POU2F1: variants seen among roughly 807,000 people sequenced by gnomAD.
The protein encoded by POU2F1 is POU class 2 homeobox 1, also known as POU domain, class 2, transcription factor 1.
A neutral mutation model predicts 84.9 loss-of-function variants in POU2F1; 16 were observed. That is an observed-to-expected ratio of 0.19 (90% CI 0.13 to 0.29). POU2F1 has a LOEUF of 0.29. POU2F1 is among the 10% of genes least tolerant of loss of function. POU2F1 has a pLI of 1.00. For missense variants in POU2F1, 738 were observed against 942.6 expected, an observed-to-expected ratio of 0.78 and a Z score of 2.84; for synonymous variants, 368 against 368.3, an observed-to-expected ratio of 1.00 and a Z score of 0.01.
chr1:167,403,535 G>GT (rs1013400202), intron 13 of POU2F1, among the ~76,000 whole-genome samples: 10 of 152,272 alleles, frequency 6.6e-5, no homozygotes, highest in Admixed American at 5.9e-4. Context: ...TCTTTGGACT[G>GT]TAACTTTCTT....
At chr1:167,308,292 C>T (rs931793643) in intron 1 of POU2F1, among the ~76,000 whole-genome samples, 14 of 151,984 alleles carry the variant, frequency 9.2e-5, no homozygotes, top group Admixed American at 5.2e-4. Flanking sequence ...GTCTCGAACT[C>T]CCAATCGCAG....
intron 1 of POU2F1, among the ~76,000 whole-genome samples, chr1:167,307,800 A>C (rs1655184041): frequency 6.6e-6 from 1 of 152,154 alleles, no homozygotes; most frequent in South Asian, 2.1e-4. Flanking sequence ...CCTTACACCA[A>C]AATAATCCAA....
At chr1:167,414,933 A>G (rs1650202627) in intron 15 of POU2F1, among the ~76,000 whole-genome samples, 1 of 151,558 alleles carries the variant, frequency 6.6e-6, no homozygotes, top group South Asian at 2.1e-4. Context: ...GGTTTTCTGG[A>G]AGACAGTTTT....
intron 2 of POU2F1, among the ~76,000 whole-genome samples, chr1:167,348,561 G>A (rs2177692): frequency 0.11 from 16,242 of 152,112 alleles, 2,150 homozygotes; most frequent in African/African-American, 0.32. Flanking sequence ...TTTAAAAAGT[G>A]GCAACTCTTC....
At chr1:167,326,989 T>A (rs1656748696) in intron 1 of POU2F1, among the ~76,000 whole-genome samples, 4 of 152,234 alleles carry the variant, frequency 2.6e-5, no homozygotes, top group Non-Finnish European at 5.9e-5. Context: ...AAACATTTAT[T>A]GATATCTACT....
At chr1:167,251,748 A>G (rs1157428927) in intron 1 of POU2F1, among the ~76,000 whole-genome samples, 1 of 152,162 alleles carries the variant, frequency 6.6e-6, no homozygotes, top group Non-Finnish European at 1.5e-5. Context: ...AGAAGATGAA[A>G]ACACCATATC....
intron 1 of POU2F1, among the ~76,000 whole-genome samples, chr1:167,223,573 T>G (rs763668455): frequency 2.6e-5 from 4 of 152,108 alleles, no homozygotes. Flanking sequence ...GACATTTTGG[T>G]GAGTGGCTAG....
At chr1:167,224,986 G>A (rs1410967842) in intron 1 of POU2F1, among the ~76,000 whole-genome samples, 2 of 151,896 alleles carry the variant, frequency 1.3e-5, no homozygotes, top group African/African-American at 2.4e-5. Context: ...GCGCCATGAC[G>A]CCCGGCTAAT....
intron 12 of POU2F1, among the ~76,000 whole-genome samples, 189 bp downstream of exon 12, chr1:167,399,554 GCT>G (rs142706785): frequency 3.3e-4 from 49 of 149,124 alleles, no homozygotes; most frequent in Non-Finnish European, 3.7e-4. Flanking sequence ...TGTCTCTCGT[GCT>G]CTCTCTCTCT....
intron 1 of POU2F1, among the ~76,000 whole-genome samples, chr1:167,229,358 A>G (rs969970877): frequency 7.9e-5 from 12 of 152,276 alleles, no homozygotes; most frequent in South Asian, 6.2e-4. Flanking sequence ...TCACTTTGAC[A>G]TGTCATTTGA....
intron 2 of POU2F1, among the ~76,000 whole-genome samples, chr1:167,339,996 G>T (rs888086641): frequency 6.6e-6 from 1 of 152,092 alleles, no homozygotes; most frequent in East Asian, 1.9e-4. Flanking sequence ...ATAAATAAGG[G>T]TCTCTTTTTA....
intron 1 of POU2F1, among the ~76,000 whole-genome samples, chr1:167,295,477 A>G (rs1357587986): frequency 6.6e-6 from 1 of 152,226 alleles, no homozygotes; most frequent in African/African-American, 2.4e-5. Context: ...GAACTAAGCT[A>G]TGAATATGCA....
intron 2 of POU2F1, among the ~76,000 whole-genome samples, chr1:167,363,614 CATTTT>C (rs1480007412): frequency 6.6e-6 from 1 of 152,174 alleles, no homozygotes; most frequent in Non-Finnish European, 1.5e-5. Context: ...ATTCTAATTA[CATTTT>C]ATTTTCACGC....
At chr1:167,375,017 A>AG (rs1237163610) in intron 6 of POU2F1, among the ~76,000 whole-genome samples, 2 of 151,920 alleles carry the variant, frequency 1.3e-5, no homozygotes, top group African/African-American at 4.8e-5. Context: ...CAGTGAGCCG[A>AG]GATCGCGCCA....
chr1:167,354,082 T>A (rs945109920), intron 2 of POU2F1, among the ~76,000 whole-genome samples: 1 of 152,260 alleles, frequency 6.6e-6, no homozygotes, highest in African/African-American at 2.4e-5. Context: ...TTGAGATTCA[T>A]CCATGTTAGT....
In POU2F1 at chr1:167,417,573, G is replaced by GCTCAT. The variant is rs1650392183; in HGVS notation, c.*1766_*1770dup. 6.6e-6 allele frequency: 1 copy of GCTCAT among 152,198 alleles called. No homozygotes were observed. Among genetic ancestry groups the GCTCAT allele is most frequent in the Non-Finnish European group, 1.5e-5 (1 of 68,046 alleles). The allele number at this position is 152,198 out of a possible 1,614,324, so 9.4% of individuals were successfully genotyped here. A position where few individuals can be genotyped will look rare whatever the true frequency, so the allele number is the denominator to read the frequency against. ...CAAAAGACTGGATCACTGCAGTGCA[G>GCTCAT]CTCATCTAAGTTCCCCTTCTTATTG... On this transcript the variant is annotated 3_prime_UTR_variant, in exon 16 of 16. Transcript: ENST00000367866.
At chr1:167,278,071 A>G (rs932692770) in intron 1 of POU2F1, among the ~76,000 whole-genome samples, 2 of 151,938 alleles carry the variant, frequency 1.3e-5, no homozygotes, top group Non-Finnish European at 2.9e-5. Context: ...ATTTCCTGCT[A>G]CTCTTAGGAT....
intron 1 of POU2F1, among the ~76,000 whole-genome samples, chr1:167,299,695 G>GTTTTTTTTTTTGT (rs1553204503): frequency 7.2e-6 from 1 of 139,346 alleles, no homozygotes; most frequent in African/African-American, 2.8e-5. Flanking sequence ...GGAGACCAGA[G>GTTTTTTTTTTTGT]TTTTTTTTTT....
At chr1:167,355,578 T>A (rs1278672742) in intron 2 of POU2F1, among the ~76,000 whole-genome samples, 1 of 152,220 alleles carries the variant, frequency 6.6e-6, no homozygotes, top group East Asian at 1.9e-4. Flanking sequence ...TCATATGAAT[T>A]TACTTTGAAT....
Sources: gnomAD v4.1 joint callset for allele counts (sites outside exome capture counted in the v4.1 genomes callset) on GRCh38, gnomAD v4.1.1 for gene constraint, MANE v1.5 for transcripts, NCBI Gene and HGNC (gene_info 2026-07-23, HGNC 2026-07-21) for gene names.